PCDH11X: variants seen among roughly 807,000 people sequenced by gnomAD.
The protein encoded by PCDH11X is protocadherin 11 X-linked, also known as protocadherin-11 X-linked.
PCDH11X carries 18 observed loss-of-function variants against 53.3 expected under a neutral mutation model. The ratio of observed to expected loss-of-function variants is 0.34; its 90% CI spans 0.23 to 0.50. The LOEUF is 0.50. Ranked by LOEUF, PCDH11X falls within the 20% of genes least tolerant of loss-of-function variation. The pLI, the probability that PCDH11X is intolerant of heterozygous loss-of-function variation, is 0.98. For synonymous variants in PCDH11X, 279 were observed against 393.3 expected, an observed-to-expected ratio of 0.71 and a Z score of 3.44; for missense variants, 570 against 1,032.4, an observed-to-expected ratio of 0.55 and a Z score of 6.14.
At chrX:92,216,332 A>G (rs1373226864) in intron 7 of PCDH11X, among the ~76,000 whole-genome samples, 4 of 108,345 alleles carry the variant, frequency 3.7e-5, no homozygotes, top group Non-Finnish European at 7.7e-5. Flanking sequence ...TATAACTAGA[A>G]TAACCAATAC....
chrX:92,467,991 A>C (rs2148661809), intron 9 of PCDH11X, among the ~76,000 whole-genome samples: 1 of 111,666 alleles, frequency 9.0e-6, no homozygotes, highest in South Asian at 3.7e-4. Flanking sequence ...AAGCTAGAAA[A>C]TCTACTGAGT....
At chrX:92,257,243 T>C (rs2067611269) in intron 7 of PCDH11X, among the ~76,000 whole-genome samples, 1 of 111,142 alleles carries the variant, frequency 9.0e-6, no homozygotes, top group Non-Finnish European at 1.9e-5. Flanking sequence ...TGCTAAATCA[T>C]TCATGAGAAC....
At chrX:92,247,562 C>A (rs2067374626) in intron 7 of PCDH11X, among the ~76,000 whole-genome samples, 1 of 111,473 alleles carries the variant, frequency 9.0e-6, no homozygotes, top group African/African-American at 3.3e-5. Flanking sequence ...GTTCTCAGAG[C>A]CGTGCTCCCT....
chrX:91,973,336 C>G (rs1432512284), intron 6 of PCDH11X, among the ~76,000 whole-genome samples: 1 of 101,103 alleles, frequency 9.9e-6, no homozygotes, highest in Non-Finnish European at 2.0e-5. Flanking sequence ...ATAACTAATG[C>G]TAGATGATGA....
intron 6 of PCDH11X, among the ~76,000 whole-genome samples, chrX:92,115,187 G>A (rs2064612127): frequency 9.1e-6 from 1 of 110,363 alleles, no homozygotes; most frequent in African/African-American, 3.3e-5. Context: ...TCTATCCATT[G>A]ATCTCCAATA....
intron 4 of PCDH11X, among the ~76,000 whole-genome samples, chrX:91,834,070 A>G (rs1481994764): frequency 5.4e-5 from 6 of 111,604 alleles, no homozygotes; most frequent in African/African-American, 2.0e-4. Context: ...CCTTCATTTA[A>G]TTATAAAAGT....
At chrX:91,987,090 C>T (rs1183175050) in intron 6 of PCDH11X, among the ~76,000 whole-genome samples, 1 of 110,975 alleles carries the variant, frequency 9.0e-6, no homozygotes. Context: ...AATGATTTAA[C>T]ATTGTCTTTT....
chrX:92,069,756 A>T (rs1356515937), intron 6 of PCDH11X, among the ~76,000 whole-genome samples: 2 of 111,691 alleles, frequency 1.8e-5, no homozygotes, highest in African/African-American at 6.5e-5. Flanking sequence ...ATTTTGACTC[A>T]CTACAACCTC....
At chrX:91,989,583 G>C (rs910096681) in intron 6 of PCDH11X, among the ~76,000 whole-genome samples, 1 of 104,460 alleles carries the variant, frequency 9.6e-6, no homozygotes, top group Non-Finnish European at 2.0e-5. Context: ...ACAAAAAAAA[G>C]AATAAGAAGA....
At chrX:92,380,853 CTT>C (rs4021154) in intron 8 of PCDH11X, among the ~76,000 whole-genome samples, 45 of 98,871 alleles carry the variant, frequency 4.6e-4, no homozygotes, top group Middle Eastern at 5.0e-3. Context: ...GCATAATGAT[CTT>C]TTTTTTTTTT....
At chrX:92,106,723 A>G (rs2064392152) in intron 6 of PCDH11X, among the ~76,000 whole-genome samples, 1 of 112,055 alleles carries the variant, frequency 8.9e-6, no homozygotes, top group Non-Finnish European at 1.9e-5. Flanking sequence ...ACAAGATATC[A>G]CTTACATTTT....
intron 10 of PCDH11X, among the ~76,000 whole-genome samples, chrX:92,605,224 TCAAAA>T (rs1211373911): frequency 1.8e-5 from 2 of 109,757 alleles, no homozygotes; most frequent in African/African-American, 3.4e-5. Context: ...TGTCTTTTGA[TCAAAA>T]CAAAAGAACA....
intron 9 of PCDH11X, among the ~76,000 whole-genome samples, chrX:92,403,669 A>G (rs2071446623): frequency 9.0e-6 from 1 of 110,847 alleles, no homozygotes; most frequent in Non-Finnish European, 1.9e-5. Context: ...AAAGTCCATA[A>G]ACTTTCTGCT....
intron 8 of PCDH11X, among the ~76,000 whole-genome samples, chrX:92,355,417 CAAAAAAAAAAAAAA>C (rs57339128): frequency 8.5e-5 from 2 of 23,588 alleles, no homozygotes; most frequent in Admixed American, 6.9e-4. Flanking sequence ...GACTCCGTCT[CAAAAAAAAAAAAAA>C]AAAAAAAAAA....
chrX:92,249,147 T>G (rs776063011), intron 7 of PCDH11X, among the ~76,000 whole-genome samples: 13 of 111,320 alleles, frequency 1.2e-4, no homozygotes, highest in Non-Finnish European at 2.1e-4. Context: ...TTATCTAATA[T>G]GAAAACCAGA....
chrX:92,064,489 A>AATAG (rs1361232937), intron 6 of PCDH11X, among the ~76,000 whole-genome samples: 1 of 100,447 alleles, frequency 1.0e-5, no homozygotes, highest in African/African-American at 3.7e-5. Flanking sequence ...ACAAATTAAA[A>AATAG]ATAAATAAAT....
intron 8 of PCDH11X, among the ~76,000 whole-genome samples, chrX:92,317,041 A>G (rs1362944095): frequency 9.0e-6 from 1 of 111,681 alleles, no homozygotes; most frequent in East Asian, 2.8e-4. Context: ...AGGGGGAAAA[A>G]AACAGAAAGT....
intron 6 of PCDH11X, among the ~76,000 whole-genome samples, chrX:92,142,367 C>CGT (rs1373332534): frequency 5.5e-5 from 4 of 72,096 alleles, no homozygotes; most frequent in African/African-American, 2.0e-4. Context: ...CATGTGCGCG[C>CGT]GCGCACACAC....
At chrX:92,321,459 G>T (rs1318439463) in intron 8 of PCDH11X, among the ~76,000 whole-genome samples, 36 of 111,023 alleles carry the variant, frequency 3.2e-4, no homozygotes, top group Non-Finnish European at 5.9e-4. Context: ...GCCTCCCAAA[G>T]TGCTGGGATT....
Sources: allele counts gnomAD v4.1 joint callset (sites outside exome capture counted in the v4.1 genomes callset), GRCh38; gene constraint gnomAD v4.1.1; transcripts MANE v1.5; gene names NCBI Gene and HGNC (gene_info 2026-07-23, HGNC 2026-07-21).